Variants in KRT8 observed in about 807,000 individuals in gnomAD.
KRT8 encodes the protein keratin, type II cytoskeletal 8.
KRT8 carries 24 observed loss-of-function variants against 43.0 expected under a neutral mutation model. That is an observed-to-expected ratio of 0.56 (90% confidence interval 0.40 to 0.78). The LOEUF (loss-of-function observed/expected upper bound fraction) is 0.78, where lower values mean the gene tolerates loss of function less well. Ranked by LOEUF, KRT8 falls within the 30% of genes least tolerant of loss-of-function variation. The pLI is 0.00. For missense variants in KRT8, 492 were observed against 638.4 expected (o/e 0.77, Z 2.47); for synonymous variants, 214 against 261.2 (o/e 0.82, Z 1.74).
intron 2 of KRT8, among the ~76,000 whole-genome samples, chr12:52,920,331 C>T (rs1187345542): frequency 6.6e-6 from 1 of 151,818 alleles, no homozygotes; most frequent in Non-Finnish European, 1.5e-5. Context: ...GGCACGGTGG[C>T]TCACGCCTGT....
intron 2 of KRT8, among the ~76,000 whole-genome samples, chr12:52,920,876 C>T (rs1420836395): frequency 1.3e-5 from 2 of 152,184 alleles, no homozygotes; most frequent in African/African-American, 2.4e-5. Context: ...CAAGACCCTG[C>T]ATGTGTGCAT....
At chr12:52,910,638 GA>G (rs774867802), upstream of KRT8, among the ~76,000 whole-genome samples, 14 of 152,224 alleles carry the variant, frequency 9.2e-5, no homozygotes, top group Non-Finnish European at 1.8e-4. Context: ...GGATTTCAAG[GA>G]AACTTCAGAA....
chr12:52,916,009 G>A (rs1941733381), intron 2 of KRT8, among the ~76,000 whole-genome samples: 1 of 152,214 alleles, frequency 6.6e-6, no homozygotes, highest in African/African-American at 2.4e-5. Context: ...GCTGAGCTTA[G>A]GAAAGTAAGA....
chr12:52,936,718 T>A (rs1369892409), intron 2 of KRT8, among the ~76,000 whole-genome samples: 1 of 152,156 alleles, frequency 6.6e-6, no homozygotes, highest in East Asian at 1.9e-4. Flanking sequence ...TTTCTCCATT[T>A]TGGTCAGGCT....
exon 6 of KRT8, chr12:52,898,752 G>A (rs750079137): frequency 1.2e-6 from 2 of 1,614,250 alleles, no homozygotes; most frequent in Admixed American, 3.3e-5. Flanking sequence ...ACGTTCATCA[G>A]CTCCTGGTAC....
chr12:52,940,738 G>T (rs894747877), intron 2 of KRT8, among the ~76,000 whole-genome samples: 1 of 148,952 alleles, frequency 6.7e-6, no homozygotes, highest in Non-Finnish European at 1.5e-5. Flanking sequence ...CAATTCTCTT[G>T]CCTCAGCCTC....
At chr12:52,929,064 A>C (rs981431345) in intron 2 of KRT8, among the ~76,000 whole-genome samples, 1 of 152,112 alleles carries the variant, frequency 6.6e-6, no homozygotes, top group African/African-American at 2.4e-5. Context: ...GCCACCATCC[A>C]TGGAAATGGC....
intron 2 of KRT8, among the ~76,000 whole-genome samples, chr12:52,939,723 C>G (rs1404730681): frequency 7.3e-6 from 1 of 136,154 alleles, no homozygotes; most frequent in Non-Finnish European, 1.6e-5. Flanking sequence ...GACTCCCTCT[C>G]AAAAAAAAAA....
At chr12:52,934,750 C>T (rs918785479) in intron 2 of KRT8, among the ~76,000 whole-genome samples, 5 of 152,048 alleles carry the variant, frequency 3.3e-5, no homozygotes, top group Non-Finnish European at 7.4e-5. Context: ...AGGCAGATCA[C>T]CTGAGGTCAG....
chr12:52,915,074 G>GA (rs924917839), intron 2 of KRT8, among the ~76,000 whole-genome samples: 33 of 151,944 alleles, frequency 2.2e-4, no homozygotes, highest in African/African-American at 7.5e-4. Context: ...AGAGAAAGGG[G>GA]AAAAAAAATG....
chr12:52,946,796 C>G (rs1339115922), intron 2 of KRT8: 1 of 152,246 alleles, frequency 6.6e-6, no homozygotes. Context: ...CCGTTTGCCT[C>G]CCAGCCTTCA....
rs563418328 is a variant in KRT8, at chr12:52,926,453, G to A, written c.-46-21426C>T. ...GGCTCCAGCTCACCCCATTCATTCC[G>A]CAAACATTTGCTGAATGAAAATCAT... On this transcript the variant is annotated intron_variant, in intron 2 of 6. Transcript: ENST00000546826. The A allele has an allele frequency of 4.0e-5, 62 of 1,531,600 alleles. No individual in the cohort carries two copies. In the African/African-American group the frequency reaches 5.7e-4, roughly 14 times the overall value. 94.9% of individuals were successfully genotyped at this position (1,531,600 alleles called of 1,614,324 possible).
intron 2 of KRT8, among the ~76,000 whole-genome samples, chr12:52,918,712 TA>T (rs1565726092): frequency 6.6e-6 from 1 of 152,152 alleles, no homozygotes; most frequent in Admixed American, 6.5e-5. Flanking sequence ...GTGCCTAAAA[TA>T]GCAGGTTTTC....
At chr12:52,909,558 T>C (rs1034516168), upstream of KRT8, among the ~76,000 whole-genome samples, 1 of 152,234 alleles carries the variant, frequency 6.6e-6, no homozygotes, top group Non-Finnish European at 1.5e-5. Flanking sequence ...TGATCAGTGA[T>C]GGATCTGATG....
intron 2 of KRT8, among the ~76,000 whole-genome samples, chr12:52,919,686 G>A (rs940536846): frequency 3.3e-5 from 5 of 151,720 alleles, no homozygotes; most frequent in African/African-American, 1.2e-4. Flanking sequence ...TTGCTCTGTT[G>A]CCCAGGCTGG....
At chr12:52,902,532 T>C (rs1262137654) in intron 1 of KRT8, among the ~76,000 whole-genome samples, 1 of 151,998 alleles carries the variant, frequency 6.6e-6, no homozygotes, top group African/African-American at 2.4e-5. Context: ...TACAGGCACC[T>C]GCCTGCCACC....
At chr12:52,933,905 G>A (rs910427009) in intron 2 of KRT8, among the ~76,000 whole-genome samples, 4 of 151,746 alleles carry the variant, frequency 2.6e-5, no homozygotes, top group South Asian at 2.1e-4. Flanking sequence ...GATTTTAGGC[G>A]TGAGCCACCT....
intron 2 of KRT8, among the ~76,000 whole-genome samples, chr12:52,931,845 T>C (rs927212339): frequency 6.6e-6 from 1 of 152,000 alleles, no homozygotes; most frequent in African/African-American, 2.4e-5. Context: ...GTAATTTTAG[T>C]AAAGATGGGG....
intron 2 of KRT8, among the ~76,000 whole-genome samples, chr12:52,923,756 T>G (rs1314594972): frequency 6.6e-6 from 1 of 152,118 alleles, no homozygotes; most frequent in African/African-American, 2.4e-5. Context: ...TTTTTGAAAT[T>G]ATTAAAATTA....
Sources: gnomAD v4.1 joint callset for allele counts (sites outside exome capture counted in the v4.1 genomes callset) on GRCh38, gnomAD v4.1.1 for gene constraint, MANE v1.5 for transcripts, NCBI Gene and HGNC (gene_info 2026-07-23, HGNC 2026-07-21) for gene names.